The following LNX2 variants were observed in gnomAD, a reference collection of about 807,000 sequenced individuals.
LNX2 encodes ligand of Numb protein X 2.
LNX2 carries 35 observed loss-of-function variants against 66.2 expected under a neutral mutation model. That is an observed-to-expected ratio of 0.53 (90% CI 0.40 to 0.70). The LOEUF (loss-of-function observed/expected upper bound fraction) is 0.70. Ranked by LOEUF, LNX2 falls within the 30% of genes least tolerant of loss-of-function variation. LNX2 has a pLI of 0.00. For missense variants in LNX2, 791 were observed against 850.8 expected (o/e 0.93, Z 0.87); for synonymous variants, 337 against 315.6 (o/e 1.07, Z -0.72).
chr13:27,559,819 T>TAA (rs373436911), intron 6 of LNX2, 23 bp downstream of exon 6: 443 of 1,331,028 alleles, frequency 3.3e-4, no homozygotes, highest in South Asian at 1.4e-3. Context: ...GATGGTGGCA[T>TAA]AAAAAAAAAA....
In LNX2 at chr13:27,553,341, C is replaced by A; in HGVS notation, c.1645G>T (p.Ala549Ser). ...ATCTGGACCTCAAGTGCTTTAAGGG[C>A]AACAGCAGGGGACGCGGCACTGGCT... ...LKASAASPAV[A>S]LKALEVQIVE... The change falls in exon 8 of 10, where the codon GCC becomes TCC. Residue 549 changes from alanine (A) to serine (S), a missense_variant. Physicochemically the swap from Ala to Ser is moderately conservative, Grantham distance 99. Coordinates refer to ENST00000316334, the MANE Select transcript of LNX2 (RefSeq NM_153371.4). 1 of 1,614,132 alleles carries A rather than the reference C, an allele frequency of 6.2e-7. No individual in the cohort carries two copies.
intron 1 of LNX2, among the ~76,000 whole-genome samples, chr13:27,618,351 C>A (rs570773940): frequency 6.6e-6 from 1 of 152,150 alleles, no homozygotes; most frequent in Non-Finnish European, 1.5e-5. Flanking sequence ...TCTGAGATGA[C>A]AAACCTAAGG....
In LNX2 at chr13:27,546,033, G is replaced by C. The variant is rs1046524; in HGVS notation, c.*2302C>G. The C allele has an allele frequency of 6.6e-6, 1 of 152,006 alleles. No homozygotes were observed. The highest frequency in any genetic ancestry group is 2.4e-5 in the African/African-American group (1 of 41,390). 9.4% of individuals were successfully genotyped at this position (152,006 alleles called of 1,614,324 possible). A position where few individuals can be genotyped will look rare whatever the true frequency, so the allele number is the denominator to read the frequency against. ...AACAAACCAAAATATTTAACTATCAGAACTAAAAATGAGAAAATCCAAATA... is the reference window on the plus strand; with the variant it reads ...AACAAACCAAAATATTTAACTATCACAACTAAAAATGAGAAAATCCAAATA... On this transcript the variant is annotated 3_prime_UTR_variant, in exon 10 of 10. Coordinates refer to ENST00000316334, the MANE Select transcript of LNX2 (RefSeq NM_153371.4).
rs1955106237 is a variant in LNX2 at position 27,559,745 on chromosome 13, A to C, written c.1368+97T>G. The C allele has an allele frequency of 2.5e-6, 3 of 1,190,572 alleles. No homozygotes were observed. The East Asian group carries it at 7.9e-5, about 31-fold the overall frequency. 73.8% of individuals were successfully genotyped at this position (1,190,572 alleles called of 1,614,324 possible). On this transcript the variant is annotated intron_variant, in intron 6 of 9. Transcript: ENST00000316334. ...TTTTTTTAAAAAAACTGCTTTATTGAGGTGTGACTGACACACAAAAAAACC... is the reference window on the plus strand; with the variant it reads ...TTTTTTTAAAAAAACTGCTTTATTGCGGTGTGACTGACACACAAAAAAACC...
At chr13:27,584,351 G>C (rs1955459663) in intron 1 of LNX2, among the ~76,000 whole-genome samples, 1 of 148,500 alleles carries the variant, frequency 6.7e-6, no homozygotes, top group African/African-American at 2.5e-5. Context: ...AGGAGTTCGA[G>C]ACTAGCCTGG....
At chr13:27,550,185 C>T in intron 9 of LNX2, 148 bp downstream of exon 9, 1 of 622,434 alleles carries the variant, frequency 1.6e-6, no homozygotes, top group Non-Finnish European at 2.7e-6. Flanking sequence ...CCAGAGAGTA[C>T]ATAAACCAGT....
chr13:27,601,687 T>A (rs539765246), intron 1 of LNX2, among the ~76,000 whole-genome samples: 107 of 152,308 alleles, frequency 7.0e-4, no homozygotes, highest in Admixed American at 1.4e-3. Flanking sequence ...AAAAATTTTT[T>A]AAAATTTTTA....
intron 1 of LNX2, among the ~76,000 whole-genome samples, chr13:27,616,444 A>G (rs2138493942): frequency 6.6e-6 from 1 of 152,296 alleles, no homozygotes; most frequent in African/African-American, 2.4e-5. Flanking sequence ...ATAACAAGTC[A>G]TGTCCGACCT....
chr13:27,560,797 T>C (rs544450058), intron 5 of LNX2, among the ~76,000 whole-genome samples: 43 of 152,182 alleles, frequency 2.8e-4, no homozygotes, highest in African/African-American at 1.0e-3. Flanking sequence ...ATGCCCAATT[T>C]TACTGTAATT....
At chr13:27,575,197 A>C (rs139568334) in intron 2 of LNX2, among the ~76,000 whole-genome samples, 11 of 152,318 alleles carry the variant, frequency 7.2e-5, no homozygotes, top group Non-Finnish European at 1.2e-4. Flanking sequence ...TAAAAGAAAA[A>C]CATATAAAGC....
At position 27,587,048 on chromosome 13, in the gene LNX2, G is replaced by A. The variant is rs186599069; in HGVS notation, c.-100-5245C>T. 6.5e-3 allele frequency among the ~76,000 whole-genome samples: 994 copies of A among 152,174 alleles called. 5 individuals are homozygous for A. Among genetic ancestry groups the A allele is most frequent in the Middle Eastern group, 0.031 (9 of 294 alleles). On this transcript the variant is annotated intron_variant, in intron 1 of 9. Transcript: ENST00000316334. ...ATGTATTATTCAGTTCATTTCTCTC[G>A]ATGTTACTCCTGACTCAGATTTAAA...
chr13:27,618,622 A>G (rs1955852501), intron 1 of LNX2, among the ~76,000 whole-genome samples: 1 of 152,224 alleles, frequency 6.6e-6, no homozygotes, highest in Non-Finnish European at 1.5e-5. Flanking sequence ...GGTATAAAAA[A>G]TCCTTCATTT....
chr13:27,594,527 C>T (rs1357998766), intron 1 of LNX2, among the ~76,000 whole-genome samples: 1 of 152,080 alleles, frequency 6.6e-6, no homozygotes, highest in African/African-American at 2.4e-5. Context: ...CTATTTTCTT[C>T]ATTTGTATAG....
At chr13:27,556,185 C>A in intron 7 of LNX2, 51 bp downstream of exon 7, 2 of 1,510,958 alleles carry the variant, frequency 1.3e-6, no homozygotes, top group Non-Finnish European at 1.8e-6. Context: ...TTTAAATGTG[C>A]ATTTAATTCA....
intron 7 of LNX2, among the ~76,000 whole-genome samples, chr13:27,554,214 A>C (rs1161744961): frequency 6.6e-6 from 1 of 152,248 alleles, no homozygotes; most frequent in Non-Finnish European, 1.5e-5. Flanking sequence ...AAAAGGAAAT[A>C]AAATTACCCC....
At position 27,620,507 on chromosome 13, in the gene LNX2, G is replaced by C. The variant is rs527780129; in HGVS notation, c.-233C>G. 11 of 173,944 alleles carry C rather than the reference G, an allele frequency of 6.3e-5. No homozygotes were observed. Among genetic ancestry groups the C allele is most frequent in the African/African-American group, 2.4e-4 (10 of 41,286 alleles). The allele number at this position is 173,944 out of a possible 1,614,324, so 10.8% of individuals were successfully genotyped here. A position where few individuals can be genotyped will look rare whatever the true frequency, so the allele number is the denominator to read the frequency against. ...CGCTCCGCCAGGAATCGCCGCCGCC[G>C]CCGCCGCCGCCGCGGATTTCCTGGC... is the stretch of plus-strand genomic sequence containing the variant. On this transcript the variant is annotated 5_prime_UTR_variant, in exon 1 of 10. Coordinates refer to ENST00000316334, the MANE Select transcript of LNX2 (RefSeq NM_153371.4).
Position 27,581,784 on chromosome 13 carries a change from T to TA in LNX2, c.-82dup. On this transcript the variant is annotated 5_prime_UTR_variant, in exon 2 of 10. Transcript: ENST00000316334. ...TTTAACAGACAGTGATGTATCTGAC[T>TA]AAAGTCAAGGTGTGTTTTTCTAGAT... 8.3e-7 allele frequency: 1 copy of TA among 1,209,748 alleles called. No individual in the cohort carries two copies. The highest frequency in any genetic ancestry group is 1.1e-6 in the Non-Finnish European group (1 of 872,370). The allele number at this position is 1,209,748 out of a possible 1,614,324, so 74.9% of individuals were successfully genotyped here. A position where few individuals can be genotyped will look rare whatever the true frequency, so the allele number is the denominator to read the frequency against.
At position 27,567,736 on chromosome 13, in the gene LNX2, G is replaced by A. The variant is rs765011023; in HGVS notation, c.759C>T (p.Asn253=). ...TGACAATGTTAATCAAAGGTGTTTC[G>A]TTGCCACCCACAATGCTGATTCCTA... ...IQLGISIVGG[N]ETPLINIVIQ... Residue 253 remains asparagine, a synonymous_variant, in exon 4 of 10, where the codon AAC becomes AAT. Transcript: ENST00000316334. 24 of 1,613,656 alleles carry A rather than the reference G, an allele frequency of 1.5e-5. No homozygotes were observed. Among genetic ancestry groups the A allele is most frequent in the Admixed American group, 5.0e-5 (3 of 59,944 alleles).
intron 4 of LNX2, 43 bp downstream of exon 4, chr13:27,567,597 G>A (rs771413360): frequency 1.9e-6 from 3 of 1,544,624 alleles, no homozygotes; most frequent in South Asian, 1.1e-5. Context: ...TGTTAAGAAT[G>A]GAACAAAAAG....
Sources: allele counts gnomAD v4.1 joint callset (sites outside exome capture counted in the v4.1 genomes callset), GRCh38; gene constraint gnomAD v4.1.1; transcripts MANE v1.5; gene names NCBI Gene and HGNC (gene_info 2026-07-23, HGNC 2026-07-21).